The following EPHA5 variants were observed in gnomAD, a reference collection of about 807,000 sequenced individuals.
The protein encoded by EPHA5 is EPH receptor A5, also known as ephrin type-A receptor 5.
Under a neutral mutation model 105.0 loss-of-function variants are expected in EPHA5, and 60 were observed. The ratio of observed to expected loss-of-function variants is 0.57; its 90% confidence interval spans 0.46 to 0.71. The LOEUF (loss-of-function observed/expected upper bound fraction) is 0.71, where lower values mean the gene tolerates loss of function less well. Among genes scored for constraint, EPHA5 ranks in the 30% least tolerant of loss-of-function variants. EPHA5 has a pLI of 0.00. For missense variants in EPHA5, 1,218 were observed against 1,274.7 expected (o/e 0.96, Z 0.68); for synonymous variants, 513 against 449.1 (o/e 1.14, Z -1.80).
intron 1 of EPHA5, among the ~76,000 whole-genome samples, chr4:65,669,213 G>A (rs1034368896): frequency 2.0e-5 from 3 of 151,544 alleles, no homozygotes; most frequent in African/African-American, 7.3e-5. Context: ...TTCCCCACGC[G>A]CCTTAAGTGA....
chr4:65,626,036 G>T (rs1746120197), intron 2 of EPHA5, among the ~76,000 whole-genome samples: 1 of 150,142 alleles, frequency 6.7e-6, no homozygotes, highest in African/African-American at 2.5e-5. Flanking sequence ...GGGAGGCGGA[G>T]CTTGCAGTGA....
intron 7 of EPHA5, among the ~76,000 whole-genome samples, chr4:65,411,178 A>G (rs1722873311): frequency 6.6e-6 from 1 of 152,086 alleles, no homozygotes; most frequent in African/African-American, 2.4e-5. Context: ...AGCATGGCAG[A>G]GGAAGAATAA....
chr4:65,637,810 ATATT>A, intron 2 of EPHA5, among the ~76,000 whole-genome samples: 1 of 151,914 alleles, frequency 6.6e-6, no homozygotes, highest in Non-Finnish European at 1.5e-5. Context: ...CTTCCAATAA[ATATT>A]TATTGAAGTT....
intron 3 of EPHA5, among the ~76,000 whole-genome samples, chr4:65,543,173 G>T (rs796809687): frequency 6.6e-6 from 1 of 152,004 alleles, no homozygotes; most frequent in Non-Finnish European, 1.5e-5. Flanking sequence ...AGACAAGGAT[G>T]CCCTCTCTCA....
intron 2 of EPHA5, among the ~76,000 whole-genome samples, chr4:65,604,727 G>GTA (rs1174372411): frequency 2.5e-4 from 31 of 125,574 alleles, no homozygotes; most frequent in African/African-American, 6.9e-4. Context: ...AATCAGGTAT[G>GTA]TAAAAAAAAA....
intron 8 of EPHA5, among the ~76,000 whole-genome samples, chr4:65,384,146 G>C (rs909611731): frequency 6.6e-6 from 1 of 151,976 alleles, no homozygotes; most frequent in African/African-American, 2.4e-5. Flanking sequence ...AGGAGTCACA[G>C]GAAACTGGGC....
At position 65,322,737 on chromosome 4, in the gene EPHA5, T is replaced by C; in HGVS notation, c.*1377A>G. Reference sequence around the variant, plus strand: ...CAAAGCCATGTAACTGAATACAAACTGAAATTAACAAATGAATAAACATCC... The same window carrying C: ...CAAAGCCATGTAACTGAATACAAACCGAAATTAACAAATGAATAAACATCC... On this transcript the variant is annotated 3_prime_UTR_variant, in exon 17 of 17. Transcript: ENST00000613740. 4.4e-6 allele frequency: 1 copy of C among 226,306 alleles called. No homozygotes were observed. Among genetic ancestry groups the C allele is most frequent in the Non-Finnish European group, 8.8e-6 (1 of 113,664 alleles). 14.0% of individuals were successfully genotyped at this position (226,306 alleles called of 1,614,324 possible). A position where few individuals can be genotyped will look rare whatever the true frequency, so the allele number is the denominator to read the frequency against.
chr4:65,500,504 G>A (rs1732376061), intron 3 of EPHA5, among the ~76,000 whole-genome samples: 2 of 150,198 alleles, frequency 1.3e-5, no homozygotes, highest in Middle Eastern at 3.4e-3. Context: ...GAAATTTGCT[G>A]TATAATCTTA....
At chr4:65,666,556 A>G (rs1749981850) in intron 1 of EPHA5, among the ~76,000 whole-genome samples, 1 of 152,238 alleles carries the variant, frequency 6.6e-6, no homozygotes, top group South Asian at 2.1e-4. Context: ...TACACTTGCT[A>G]ATATTTGTCC....
At chr4:65,574,222 A>G in intron 3 of EPHA5, 1 of 1,602,992 alleles carries the variant, frequency 6.2e-7, no homozygotes, top group Non-Finnish European at 8.5e-7. Context: ...AAAGCTGTGG[A>G]CTCACAAATT....
In EPHA5 at chr4:65,321,951, C is replaced by A. The variant is rs1388758743; in HGVS notation, c.*2163G>T. 16 of 225,856 alleles carry A rather than the reference C, an allele frequency of 7.1e-5. No individual in the cohort carries two copies. The highest frequency in any genetic ancestry group is 2.6e-5 in the Non-Finnish European group (3 of 113,466). 14.0% of individuals were successfully genotyped at this position (225,856 alleles called of 1,614,324 possible). On this transcript the variant is annotated 3_prime_UTR_variant, in exon 17 of 17. Coordinates refer to ENST00000613740, the MANE Select transcript of EPHA5 (RefSeq NM_001281766.3). ...TAGATTGGAATATTTCTATAAAATTCAATAAAGTGCCACATAATCATCATT... is the reference window on the plus strand; with the variant it reads ...TAGATTGGAATATTTCTATAAAATTAAATAAAGTGCCACATAATCATCATT...
At chr4:65,449,482 A>G (rs1726873895) in intron 5 of EPHA5, among the ~76,000 whole-genome samples, 1 of 152,184 alleles carries the variant, frequency 6.6e-6, no homozygotes, top group African/African-American at 2.4e-5. Context: ...GCAGAAAGGG[A>G]TATGTACAAA....
chr4:65,462,584 A>G (rs993826485), intron 5 of EPHA5, among the ~76,000 whole-genome samples: 2 of 152,120 alleles, frequency 1.3e-5, no homozygotes, highest in Admixed American at 6.5e-5. Flanking sequence ...GGCTAGAGTG[A>G]CCAGATGACC....
intron 3 of EPHA5, among the ~76,000 whole-genome samples, chr4:65,541,803 G>A (rs745311025): frequency 9.9e-5 from 15 of 151,854 alleles, no homozygotes; most frequent in Non-Finnish European, 2.1e-4. Flanking sequence ...TCTTCTCAGT[G>A]CCACATGGCA....
At chr4:65,474,639 C>T (rs1311690295) in intron 5 of EPHA5, among the ~76,000 whole-genome samples, 14 of 152,168 alleles carry the variant, frequency 9.2e-5, no homozygotes, top group African/African-American at 3.4e-4. Flanking sequence ...CAAAAAACCT[C>T]CTCAAGCTAG....
At chr4:65,363,656 A>G (rs994189471) in intron 11 of EPHA5, among the ~76,000 whole-genome samples, 1 of 151,560 alleles carries the variant, frequency 6.6e-6, no homozygotes, top group Non-Finnish European at 1.5e-5. Context: ...TTTGCTTACT[A>G]TTATTACTGG....
At chr4:65,366,083 CAG>C in intron 9 of EPHA5, 26 bp from the exon 10 acceptor site, 4 of 1,575,122 alleles carry the variant, frequency 2.5e-6, no homozygotes, top group Non-Finnish European at 3.5e-6. Context: ...GGCATTAAAA[CAG>C]AAGTAGTTGT....
At chr4:65,357,459 A>G (rs1168814889) in intron 11 of EPHA5, among the ~76,000 whole-genome samples, 1 of 151,544 alleles carries the variant, frequency 6.6e-6, no homozygotes, top group African/African-American at 2.4e-5. Context: ...TGGGAATCAC[A>G]AATATGTCAT....
intron 3 of EPHA5, among the ~76,000 whole-genome samples, chr4:65,535,358 G>A (rs918281381): frequency 6.6e-6 from 1 of 152,114 alleles, no homozygotes; most frequent in African/African-American, 2.4e-5. Flanking sequence ...AAGCAGCAAA[G>A]TGAAAGGTAT....
Sources: allele counts gnomAD v4.1 joint callset (sites outside exome capture counted in the v4.1 genomes callset), GRCh38; gene constraint gnomAD v4.1.1; transcripts MANE v1.5; gene names NCBI Gene and HGNC (gene_info 2026-07-23, HGNC 2026-07-21).